Variants in TBC1D8 observed in about 807,000 individuals in gnomAD.
The protein encoded by TBC1D8 is BUB2-like protein 1.
A neutral mutation model predicts 118.8 loss-of-function variants in TBC1D8; 65 were observed. The ratio of observed to expected loss-of-function variants is 0.55; its 90% CI spans 0.45 to 0.67. The LOEUF (loss-of-function observed/expected upper bound fraction) is 0.67, where lower values mean the gene tolerates loss of function less well. TBC1D8 is among the 30% of genes least tolerant of loss of function. TBC1D8 has a pLI of 0.00. For missense variants in TBC1D8, 1,376 were observed against 1,471.2 expected (o/e 0.94, Z 1.06); for synonymous variants, 566 against 595.8 (o/e 0.95, Z 0.73).
chr2:101,135,347 A>G (rs1407168972), intron 1 of TBC1D8, among the ~76,000 whole-genome samples: 1 of 152,166 alleles, frequency 6.6e-6, no homozygotes, highest in South Asian at 2.1e-4. Context: ...ACGAAACAAC[A>G]TCTTCTTAGT....
At chr2:101,119,857 C>A (rs1158737843) in intron 1 of TBC1D8, among the ~76,000 whole-genome samples, 1 of 152,228 alleles carries the variant, frequency 6.6e-6, no homozygotes, top group Non-Finnish European at 1.5e-5. Context: ...GACAGTTCTT[C>A]TACAGCAGGT....
intron 2 of TBC1D8, among the ~76,000 whole-genome samples, chr2:101,088,928 ATC>A (rs956844190): frequency 2.0e-5 from 3 of 150,568 alleles, no homozygotes; most frequent in African/African-American, 7.3e-5. Flanking sequence ...ATACAGAATG[ATC>A]TGTCTTAATT....
At chr2:101,039,027 T>C (rs1418727049) in intron 6 of TBC1D8, among the ~76,000 whole-genome samples, 4 of 152,084 alleles carry the variant, frequency 2.6e-5, no homozygotes, top group South Asian at 4.1e-4. Flanking sequence ...GTGAAATTCA[T>C]AGATACAGGA....
chr2:101,018,488 T>TA (rs2105372096), intron 17 of TBC1D8, among the ~76,000 whole-genome samples: 1 of 152,334 alleles, frequency 6.6e-6, no homozygotes, highest in Non-Finnish European at 1.5e-5. Flanking sequence ...TGGTTATGTA[T>TA]AAGACCTCAG....
intron 3 of TBC1D8, among the ~76,000 whole-genome samples, chr2:101,059,136 T>A (rs1558662983): frequency 6.6e-6 from 1 of 151,914 alleles, no homozygotes; most frequent in South Asian, 2.1e-4. Context: ...CTCGACCTCC[T>A]GACCTCGTGA....
intron 2 of TBC1D8, among the ~76,000 whole-genome samples, chr2:101,087,805 T>C (rs1006533528): frequency 6.6e-5 from 10 of 152,048 alleles, no homozygotes; most frequent in African/African-American, 2.2e-4. Flanking sequence ...AAATGAGAGA[T>C]TGGGAAAGCA....
intron 5 of TBC1D8, among the ~76,000 whole-genome samples, chr2:101,047,607 C>T (rs1446867244): frequency 6.6e-6 from 1 of 152,208 alleles, no homozygotes; most frequent in African/African-American, 2.4e-5. Flanking sequence ...AAGGTACATA[C>T]ATGCCTTTCA....
intron 17 of TBC1D8, among the ~76,000 whole-genome samples, chr2:101,016,295 T>C (rs1349130391): frequency 1.3e-5 from 2 of 152,086 alleles, no homozygotes; most frequent in Non-Finnish European, 2.9e-5. Flanking sequence ...AAAGAAGACA[T>C]TTATGCAGCC....
intron 3 of TBC1D8, among the ~76,000 whole-genome samples, chr2:101,058,279 C>A (rs1050450599): frequency 6.6e-6 from 1 of 152,152 alleles, no homozygotes; most frequent in Non-Finnish European, 1.5e-5. Flanking sequence ...CCACAAGTAA[C>A]CCCCAGTCCC....
chr2:101,040,308 A>C lies in TBC1D8; in HGVS notation c.950T>G (p.Val317Gly). 6.2e-7 allele frequency: 1 copy of C among 1,614,024 alleles called. No homozygotes were observed. Among genetic ancestry groups the C allele is most frequent in the Non-Finnish European group, 8.5e-7 (1 of 1,179,894 alleles). The change falls in exon 6 of 20, where the codon GTT becomes GGT. Residue 317 changes from valine to glycine, a missense_variant. Physicochemically the swap from Val to Gly is moderately radical, Grantham distance 109 (BLOSUM62 -3). Transcript: ENST00000409318. ...RLPRKEKLHA[V>G]VDCSLWTPFS... ...CGGCGTCCAGAGCGAACAGTCCACA[A>C]CCGCGTGCAGCTTCTCCTTCCTCGG...
Position 101,027,280 on chromosome 2 carries a change from C to A in TBC1D8, c.2520+103G>T. The A allele has an allele frequency of 3.7e-6, 4 of 1,077,286 alleles. No individual in the cohort carries two copies. In the South Asian group the frequency reaches 3.9e-5, roughly 10 times the overall value. The allele number at this position is 1,077,286 out of a possible 1,614,324, so 66.7% of individuals were successfully genotyped here. On this transcript the variant is annotated intron_variant, in intron 15 of 19. Transcript: ENST00000409318. ...GGGGGCAGCTCCGGCCTCTGCTCCA[C>A]GGAGCCCTGCAGGCAGCTGCATGCT...
chr2:101,039,843 C>T (rs1681269452), intron 6 of TBC1D8, among the ~76,000 whole-genome samples: 1 of 151,588 alleles, frequency 6.6e-6, no homozygotes, highest in Non-Finnish European at 1.5e-5. Context: ...GGATTCATTC[C>T]TAGGAGCTGC....
intron 1 of TBC1D8, among the ~76,000 whole-genome samples, chr2:101,140,633 A>T (rs1454809916): frequency 6.6e-6 from 1 of 152,176 alleles, no homozygotes; most frequent in East Asian, 1.9e-4. Context: ...CTCATGAGAA[A>T]CACAAACAGT....
chr2:101,111,818 G>GT (rs1359361112), intron 1 of TBC1D8, among the ~76,000 whole-genome samples: 2 of 152,098 alleles, frequency 1.3e-5, no homozygotes, highest in Admixed American at 6.5e-5. Context: ...ATGTCTGGTG[G>GT]TGATGCTGGC....
intron 6 of TBC1D8, 23 bp from the exon 7 acceptor site, chr2:101,038,678 G>C: frequency 1.2e-6 from 2 of 1,611,680 alleles, no homozygotes; most frequent in Non-Finnish European, 1.7e-6. Context: ...CAACATGCAG[G>C]GACAGAAGGG....
intron 2 of TBC1D8, among the ~76,000 whole-genome samples, chr2:101,070,390 C>A (rs1354044228): frequency 6.8e-6 from 1 of 146,576 alleles, no homozygotes; most frequent in Non-Finnish European, 1.5e-5. Flanking sequence ...CCAGTAAAGG[C>A]AAAACTGTGT....
rs78831774 is a variant in TBC1D8 at position 101,008,064 on chromosome 2, A to G, written c.3225T>C (p.Phe1075=). The change falls in exon 20 of 20, where the codon TTT becomes TTC. Residue 1075 remains phenylalanine, a synonymous_variant. Transcript: ENST00000409318. ...ASAPSPEDSV[F]ADTGKTPQDS... ...CCTGGGGCGTCTTCCCAGTGTCTGCAAAAACCGAGTCCTCAGGAGAAGGAG... is the reference window on the plus strand; with the variant it reads ...CCTGGGGCGTCTTCCCAGTGTCTGCGAAAACCGAGTCCTCAGGAGAAGGAG... 11,747 of 1,613,946 alleles carry G rather than the reference A, an allele frequency of 7.3e-3. 96 individuals carry two copies. Among genetic ancestry groups the G allele is most frequent in the South Asian group, 0.011 (997 of 91,068 alleles).
intron 17 of TBC1D8, among the ~76,000 whole-genome samples, chr2:101,020,929 A>ATCCACAGT (rs371904754): frequency 1.9e-3 from 285 of 152,282 alleles, no homozygotes; most frequent in African/African-American, 6.6e-3. Flanking sequence ...GTTTGGTACT[A>ATCCACAGT]TCCACAGTTT....
chr2:101,068,777 T>G (rs1472913371), intron 2 of TBC1D8: 4 of 206,954 alleles, frequency 1.9e-5, no homozygotes, highest in Non-Finnish European at 2.8e-5. Context: ...CGCAGGGAGA[T>G]CACCTGAGGT....
Sources: gnomAD v4.1 joint callset for allele counts (sites outside exome capture counted in the v4.1 genomes callset) on GRCh38, gnomAD v4.1.1 for gene constraint, MANE v1.5 for transcripts, NCBI Gene and HGNC (gene_info 2026-07-23, HGNC 2026-07-21) for gene names.